Variants in SUPT3H observed in about 807,000 individuals in gnomAD.
SUPT3H encodes the protein SPT3 homolog, SAGA and STAGA complex component.
In SUPT3H, 44 loss-of-function variants were observed where a neutral mutation model predicts 44.3. That is an observed-to-expected ratio of 0.99 (90% CI 0.78 to 1.28). The LOEUF is 1.28. SUPT3H is among the 50% of genes most tolerant of loss of function. The pLI, the probability that SUPT3H is intolerant of heterozygous loss-of-function variation, is 0.00. For synonymous variants in SUPT3H, 124 were observed against 125.6 expected, an observed-to-expected ratio of 0.99 and a Z score of 0.09; for missense variants, 380 against 387.1, an observed-to-expected ratio of 0.98 and a Z score of 0.15.
intron 10 of SUPT3H, among the ~76,000 whole-genome samples, chr6:44,889,131 G>A (rs554574791): frequency 6.6e-6 from 1 of 151,980 alleles, no homozygotes; most frequent in South Asian, 2.1e-4. Context: ...ACAAACAAAT[G>A]GAATAACATT....
At chr6:44,907,543 T>C (rs565556353) in intron 10 of SUPT3H, among the ~76,000 whole-genome samples, 1 of 152,240 alleles carries the variant, frequency 6.6e-6, no homozygotes, top group South Asian at 2.1e-4. Context: ...CCAGGCATGG[T>C]GGTACACAAC....
rs140454251 is a variant in SUPT3H, at chr6:44,989,547, T to C, written c.504+14106A>G. Among the ~76,000 whole-genome samples, 326 of 152,252 alleles carry C rather than the reference T, an allele frequency of 2.1e-3. 1 individual carries two copies. Among genetic ancestry groups the C allele is most frequent in the African/African-American group, 7.5e-3 (312 of 41,572 alleles). ...GAAGCAGCATTGCTGGATCATCTGA[T>C]AGTCTACTTTTAACTTTTTGAGGAA... is the stretch of plus-strand genomic sequence containing the variant. On this transcript the variant is annotated intron_variant, in intron 6 of 10. Coordinates refer to ENST00000371459, the MANE Select transcript of SUPT3H (RefSeq NM_003599.4).
chr6:44,995,541 T>G (rs1436058171), intron 6 of SUPT3H, among the ~76,000 whole-genome samples: 1 of 152,098 alleles, frequency 6.6e-6, no homozygotes, highest in Non-Finnish European at 1.5e-5. Context: ...AGTATTTCAA[T>G]CTGGCAACAA....
At chr6:45,254,887 C>A (rs1773069124) in intron 2 of SUPT3H, among the ~76,000 whole-genome samples, 1 of 152,120 alleles carries the variant, frequency 6.6e-6, no homozygotes, top group African/African-American at 2.4e-5. Flanking sequence ...TGCCAACCTG[C>A]TGCATTCCCC....
intron 10 of SUPT3H, among the ~76,000 whole-genome samples, chr6:44,852,167 T>A (rs1773005874): frequency 2.0e-5 from 3 of 152,274 alleles, no homozygotes; most frequent in Admixed American, 2.0e-4. Flanking sequence ...GAGAATCAAT[T>A]ATTTAAAGTA....
intron 2 of SUPT3H, among the ~76,000 whole-genome samples, chr6:45,173,164 T>A (rs917913654): frequency 1.9e-4 from 29 of 152,232 alleles, no homozygotes; most frequent in Admixed American, 1.8e-3. Context: ...TTTTAATATC[T>A]ATCACCAAAA....
chr6:45,112,419 T>TG (rs953433663), intron 2 of SUPT3H, among the ~76,000 whole-genome samples: 5 of 151,368 alleles, frequency 3.3e-5, no homozygotes, highest in African/African-American at 1.2e-4. Context: ...AAAAAAAAGG[T>TG]GGGGGGTGTT....
rs77830561 is a variant in SUPT3H, at chr6:44,845,462, T to C, written c.913-15605A>G. ...TTCAAAAACTGTTTTGGTACTGGTA[T>C]GGAAGAGGGGCAAAGAAGTGCTGGG... On this transcript the variant is annotated intron_variant, in intron 10 of 10. Coordinates refer to ENST00000371459, the MANE Select transcript of SUPT3H (RefSeq NM_003599.4). 5.5e-4 allele frequency among the ~76,000 whole-genome samples: 83 copies of C among 152,264 alleles called. 2 individuals are homozygous for C. The highest frequency in any genetic ancestry group is 1.9e-3 in the African/African-American group (81 of 41,548).
At chr6:44,960,861 A>G (rs987616406) in intron 7 of SUPT3H, among the ~76,000 whole-genome samples, 13 of 152,202 alleles carry the variant, frequency 8.5e-5, no homozygotes, top group African/African-American at 3.1e-4. Context: ...TGACATTTAC[A>G]TGGGATACTA....
chr6:44,901,828 C>G (rs1321723324), intron 10 of SUPT3H, among the ~76,000 whole-genome samples: 3 of 149,664 alleles, frequency 2.0e-5, no homozygotes, highest in East Asian at 1.9e-4. Flanking sequence ...TGATCTCTCA[C>G]CAGAAACTCT....
intron 10 of SUPT3H, among the ~76,000 whole-genome samples, chr6:44,927,108 T>C (rs1769629464): frequency 1.3e-5 from 2 of 152,092 alleles, no homozygotes; most frequent in African/African-American, 4.8e-5. Flanking sequence ...CAAAATGGAA[T>C]GGTTAAGTGA....
intron 2 of SUPT3H, among the ~76,000 whole-genome samples, chr6:45,307,005 G>A (rs7740083): frequency 0.4 from 61,356 of 152,054 alleles, 12,784 homozygotes; most frequent in East Asian, 0.71. Context: ...CCAGGCCCAC[G>A]GAGCCTCACT....
At chr6:45,160,981 G>A (rs543635910) in intron 2 of SUPT3H, among the ~76,000 whole-genome samples, 78 of 152,132 alleles carry the variant, frequency 5.1e-4, no homozygotes, top group African/African-American at 1.8e-3. Context: ...ATCCCTCATG[G>A]CTTAGTGCTG....
intron 2 of SUPT3H, among the ~76,000 whole-genome samples, chr6:45,274,707 C>G (rs914812239): frequency 6.6e-6 from 1 of 151,944 alleles, no homozygotes; most frequent in Non-Finnish European, 1.5e-5. Context: ...ACGGTGAAAC[C>G]CTGTCTGTAT....
intron 1 of SUPT3H, among the ~76,000 whole-genome samples, chr6:45,375,298 C>T (rs551681695): frequency 1.3e-5 from 2 of 152,148 alleles, no homozygotes; most frequent in Non-Finnish European, 2.9e-5. Flanking sequence ...AGTAGGGTGA[C>T]ATTATGATGT....
intron 11 of SUPT3H, among the ~76,000 whole-genome samples, chr6:44,812,765 T>G (rs1239141271): frequency 6.6e-6 from 1 of 152,200 alleles, no homozygotes; most frequent in Non-Finnish European, 1.5e-5. Context: ...CCAAACAGTC[T>G]GGGAATTATG....
intron 6 of SUPT3H, among the ~76,000 whole-genome samples, chr6:44,968,303 T>A (rs1777063317): frequency 6.6e-6 from 1 of 152,222 alleles, no homozygotes; most frequent in African/African-American, 2.4e-5. Context: ...ATGTAAATTA[T>A]GAAATGTGTA....
At chr6:45,220,099 A>G (rs963655275) in intron 2 of SUPT3H, among the ~76,000 whole-genome samples, 1 of 151,568 alleles carries the variant, frequency 6.6e-6, no homozygotes, top group Non-Finnish European at 1.5e-5. Context: ...CTATTAAAAA[A>G]AAGATGAGAA....
intron 10 of SUPT3H, among the ~76,000 whole-genome samples, chr6:44,881,179 T>C (rs976601113): frequency 6.6e-6 from 1 of 151,718 alleles, no homozygotes; most frequent in African/African-American, 2.4e-5. Flanking sequence ...AGGCTCAAAA[T>C]AAAGGGATGG....
Sources: gnomAD v4.1 joint callset for allele counts (sites outside exome capture counted in the v4.1 genomes callset) on GRCh38, gnomAD v4.1.1 for gene constraint, MANE v1.5 for transcripts, NCBI Gene and HGNC (gene_info 2026-07-23, HGNC 2026-07-21) for gene names.